The following GRIN3A variants were observed in gnomAD, a reference collection of about 807,000 sequenced individuals.
The protein encoded by GRIN3A is glutamate ionotropic receptor NMDA type subunit 3A.
In GRIN3A, 47 loss-of-function variants were observed where a neutral mutation model predicts 92.4. The ratio of observed to expected loss-of-function variants is 0.51; its 90% CI spans 0.40 to 0.65. GRIN3A has a LOEUF of 0.65. GRIN3A is among the 30% of genes least tolerant of loss of function. GRIN3A has a pLI of 0.00. For synonymous variants in GRIN3A, 527 were observed against 540.6 expected (o/e 0.97, Z 0.35); for missense variants, 1,324 against 1,393.1 (o/e 0.95, Z 0.79).
At chr9:101,623,508 T>A (rs1828586238) in intron 4 of GRIN3A, 75 bp from the exon 5 acceptor site, 3 of 1,099,848 alleles carry the variant, frequency 2.7e-6, no homozygotes, top group African/African-American at 3.1e-5. Flanking sequence ...GACAGCCGGC[T>A]TTTGTTTAGG....
At chr9:101,602,577 T>C (rs1828224953) in intron 6 of GRIN3A, among the ~76,000 whole-genome samples, 1 of 152,194 alleles carries the variant, frequency 6.6e-6, no homozygotes, top group Non-Finnish European at 1.5e-5. Flanking sequence ...GCATAGTAAA[T>C]AGCATTTCAT....
At position 101,737,898 on chromosome 9, in the gene GRIN3A, C is replaced by A; in HGVS notation, c.82G>T (p.Val28Leu). 6.5e-7 allele frequency: 1 copy of A among 1,534,782 alleles called. No individual in the cohort carries two copies. The highest frequency in any genetic ancestry group is 8.7e-7 in the Non-Finnish European group (1 of 1,146,844). Reference protein sequence around the residue: ...PPPCALVLAGVPSSSSHPQPC... With the variant: ...PPPCALVLAGLPSSSSHPQPC... Reference sequence around the variant, plus strand: ...TGCGGGTGCGAGGAGGAGCTGGGCACCCCGGCCAGCACCAGTGCGCAGGGC... The same window carrying A: ...TGCGGGTGCGAGGAGGAGCTGGGCAACCCGGCCAGCACCAGTGCGCAGGGC... The change falls in exon 1 of 9, where the codon GTG becomes TTG. Residue 28 changes from valine (V) to leucine (L), a missense_variant. Physicochemically the swap from Val to Leu is conservative, Grantham distance 32 (BLOSUM62 1). Coordinates refer to ENST00000361820, the MANE Select transcript of GRIN3A (RefSeq NM_133445.3).
chr9:101,573,066 G>C lies in GRIN3A; in HGVS notation c.*108C>G. On this transcript the variant is annotated 3_prime_UTR_variant, in exon 9 of 9. Transcript: ENST00000361820. ...CAGACTTGACCTTTAAGAAGACCTA[G>C]ACCTCAGCTTCCCCACACCTTTGTC... 1.0e-6 allele frequency: 1 copy of C among 971,636 alleles called. No individual in the cohort carries two copies. The allele number at this position is 971,636 out of a possible 1,614,324, so 60.2% of individuals were successfully genotyped here.
chr9:101,623,948 C>T (rs1295424900), intron 4 of GRIN3A, among the ~76,000 whole-genome samples: 1 of 152,214 alleles, frequency 6.6e-6, no homozygotes, highest in Non-Finnish European at 1.5e-5. Context: ...ATAGGCTGAG[C>T]TTCCACCTAC....
intron 6 of GRIN3A, 50 bp from the exon 7 acceptor site, chr9:101,579,410 C>T: frequency 6.3e-7 from 1 of 1,583,414 alleles, no homozygotes; most frequent in Non-Finnish European, 8.7e-7. Context: ...ATATACCTGG[C>T]CCAATGCTTG....
At chr9:101,597,603 G>C (rs1226278155) in intron 6 of GRIN3A, among the ~76,000 whole-genome samples, 1 of 152,082 alleles carries the variant, frequency 6.6e-6, no homozygotes, top group Non-Finnish European at 1.5e-5. Context: ...GATAGAATTG[G>C]TATCTCACTT....
intron 3 of GRIN3A, among the ~76,000 whole-genome samples, chr9:101,641,316 G>T (rs552384989): frequency 6.6e-6 from 1 of 152,050 alleles, no homozygotes; most frequent in East Asian, 1.9e-4. Flanking sequence ...AAATCATGCT[G>T]CTATAAAGAC....
intron 5 of GRIN3A, among the ~76,000 whole-genome samples, chr9:101,613,819 A>G (rs1828403351): frequency 6.6e-6 from 1 of 152,156 alleles, no homozygotes; most frequent in Non-Finnish European, 1.5e-5. Flanking sequence ...CTTAGAGGCA[A>G]TCTTTGAGGT....
At chr9:101,723,070 G>A (rs909282997) in intron 1 of GRIN3A, among the ~76,000 whole-genome samples, 6 of 152,154 alleles carry the variant, frequency 3.9e-5, no homozygotes, top group Non-Finnish European at 7.3e-5. Flanking sequence ...GGCACGCAGG[G>A]GGAGGTAATT....
intron 5 of GRIN3A, among the ~76,000 whole-genome samples, chr9:101,615,201 A>AG (rs916396862): frequency 4.3e-4 from 53 of 123,600 alleles, no homozygotes; most frequent in African/African-American, 1.8e-3. Flanking sequence ...TAGTAAAAAA[A>AG]AAAACCCAAA....
At chr9:101,696,708 C>T (rs1829689379) in intron 1 of GRIN3A, among the ~76,000 whole-genome samples, 2 of 152,150 alleles carry the variant, frequency 1.3e-5, no homozygotes. Context: ...AACTGTCTAG[C>T]ATGCAAGTTA....
At chr9:101,647,708 A>G (rs897251364) in intron 3 of GRIN3A, among the ~76,000 whole-genome samples, 2 of 151,712 alleles carry the variant, frequency 1.3e-5, no homozygotes, top group African/African-American at 2.4e-5. Context: ...CTATTCCTTC[A>G]TCATTTGATC....
chr9:101,618,217 A>G (rs1052626375), intron 5 of GRIN3A, among the ~76,000 whole-genome samples: 10 of 147,930 alleles, frequency 6.8e-5, no homozygotes, highest in African/African-American at 1.9e-4. Flanking sequence ...GAGCTTCTGT[A>G]CAGCAAAAGA....
chr9:101,674,845 G>A (rs778669728), intron 2 of GRIN3A, among the ~76,000 whole-genome samples: 7 of 151,814 alleles, frequency 4.6e-5, no homozygotes, highest in Non-Finnish European at 7.4e-5. Flanking sequence ...TGGAGAGCAG[G>A]GTAGAAAAAT....
At chr9:101,723,552 C>T (rs945766461) in intron 1 of GRIN3A, among the ~76,000 whole-genome samples, 2 of 152,124 alleles carry the variant, frequency 1.3e-5, no homozygotes, top group South Asian at 2.1e-4. Flanking sequence ...ACTGCTGGCT[C>T]GGGCAGCCTG....
intron 3 of GRIN3A, among the ~76,000 whole-genome samples, chr9:101,666,623 T>G (rs1193648066): frequency 6.6e-6 from 1 of 152,018 alleles, no homozygotes; most frequent in Non-Finnish European, 1.5e-5. Context: ...AACCTGCACA[T>G]GTACCCCTAA....
rs537134229 is a variant in GRIN3A, at chr9:101,619,084, G to A, written c.2614+4234C>T. Among the ~76,000 whole-genome samples, 4 of 152,276 alleles carry A rather than the reference G, an allele frequency of 2.6e-5. No individual in the cohort carries two copies. In the South Asian group the frequency reaches 6.2e-4, roughly 24 times the overall value. ...AATCAGCTTTATTAAGCTAAGAGTG[G>A]TGGAAATATATTTTAGCTAGCAAAT... On this transcript the variant is annotated intron_variant, in intron 5 of 8. Coordinates refer to ENST00000361820, the MANE Select transcript of GRIN3A (RefSeq NM_133445.3).
chr9:101,700,278 C>A (rs1316394424), intron 1 of GRIN3A, among the ~76,000 whole-genome samples: 1 of 152,130 alleles, frequency 6.6e-6, no homozygotes, highest in African/African-American at 2.4e-5. Context: ...AGAAGGCTGA[C>A]CTTTGGCTGA....
intron 1 of GRIN3A, among the ~76,000 whole-genome samples, chr9:101,724,151 G>A (rs1004488735): frequency 1.3e-5 from 2 of 151,268 alleles, no homozygotes; most frequent in South Asian, 2.1e-4. Flanking sequence ...GGGACTGGGC[G>A]CCATGGAGCA....
Sources: allele counts gnomAD v4.1 joint callset (sites outside exome capture counted in the v4.1 genomes callset), GRCh38; gene constraint gnomAD v4.1.1; transcripts MANE v1.5; gene names NCBI Gene and HGNC (gene_info 2026-07-23, HGNC 2026-07-21).